The following PDE10A variants were observed in gnomAD, a reference collection of about 807,000 sequenced individuals.
PDE10A encodes phosphodiesterase 10A, also known as cAMP and cAMP-inhibited cGMP 3',5'-cyclic phosphodiesterase 10A.
Under a neutral mutation model 97.7 loss-of-function variants are expected in PDE10A, and 39 were observed. That is an observed-to-expected ratio of 0.40 (90% CI 0.31 to 0.52). PDE10A has a LOEUF of 0.52. Among genes scored for constraint, PDE10A ranks in the 20% least tolerant of loss-of-function variants. The pLI, the probability that PDE10A is intolerant of heterozygous loss-of-function variation, is 0.56. For synonymous variants in PDE10A, 371 were observed against 376.8 expected, an observed-to-expected ratio of 0.98 and a Z score of 0.18; for missense variants, 731 against 1,047.8, an observed-to-expected ratio of 0.70 and a Z score of 4.17.
At chr6:165,958,326 C>T (rs1784203349) in intron 1 of PDE10A, among the ~76,000 whole-genome samples, 1 of 151,918 alleles carries the variant, frequency 6.6e-6, no homozygotes, top group African/African-American at 2.4e-5. Context: ...CCAAAACCAG[C>T]AGTTACAAAT....
intron 18 of PDE10A, among the ~76,000 whole-genome samples, chr6:165,354,705 G>A (rs902873510): frequency 6.6e-6 from 1 of 152,188 alleles, no homozygotes; most frequent in African/African-American, 2.4e-5. Flanking sequence ...GACAGGTGGA[G>A]GAGTCCACAT....
At chr6:165,707,671 G>C (rs1332491482) in intron 1 of PDE10A, among the ~76,000 whole-genome samples, 1 of 151,982 alleles carries the variant, frequency 6.6e-6, no homozygotes, top group Non-Finnish European at 1.5e-5. Flanking sequence ...GCGTGTGTGT[G>C]TAAGCGTATG....
chr6:165,621,328 A>ATT (rs1298309499), intron 1 of PDE10A, among the ~76,000 whole-genome samples: 4 of 152,200 alleles, frequency 2.6e-5, no homozygotes, highest in African/African-American at 9.6e-5. Flanking sequence ...TTCGTAAACT[A>ATT]TTTAAAGCAT....
intron 1 of PDE10A, among the ~76,000 whole-genome samples, chr6:165,909,434 C>A (rs1782393732): frequency 2.0e-5 from 3 of 152,208 alleles, no homozygotes; most frequent in Admixed American, 2.0e-4. Flanking sequence ...GACACCGTAG[C>A]TTAGGACAAA....
At chr6:165,841,993 G>C (rs1780275604) in intron 1 of PDE10A, among the ~76,000 whole-genome samples, 1 of 151,944 alleles carries the variant, frequency 6.6e-6, no homozygotes, top group Non-Finnish European at 1.5e-5. Flanking sequence ...AGCTCCTTTA[G>C]AAAAAAACTC....
At chr6:165,456,942 T>C (rs1426782366) in intron 3 of PDE10A, among the ~76,000 whole-genome samples, 3 of 152,226 alleles carry the variant, frequency 2.0e-5, no homozygotes, top group Middle Eastern at 3.2e-3. Flanking sequence ...CATAATATAC[T>C]GTAAAATGTA....
At chr6:165,357,600 C>T (rs903549079) in intron 18 of PDE10A, among the ~76,000 whole-genome samples, 45 of 152,126 alleles carry the variant, frequency 3.0e-4, no homozygotes, top group African/African-American at 1.0e-3. Context: ...GTATAGTAAG[C>T]TGGATTTCTC....
At chr6:165,702,856 G>C (rs1791614515) in intron 1 of PDE10A, among the ~76,000 whole-genome samples, 1 of 152,078 alleles carries the variant, frequency 6.6e-6, no homozygotes, top group African/African-American at 2.4e-5. Context: ...GTGAGGCTCT[G>C]ACGTTCCTAA....
At position 165,662,017 on chromosome 6, in the gene PDE10A, G is replaced by A. The variant is rs766333512; in HGVS notation, c.795C>T (p.Ser265=). 11 of 1,503,338 alleles carry A rather than the reference G, an allele frequency of 7.3e-6. No homozygotes were observed. The highest frequency in any genetic ancestry group is 5.7e-5 in the African/African-American group (4 of 69,804). The allele number at this position is 1,503,338 out of a possible 1,614,324, so 93.1% of individuals were successfully genotyped here. ...LAAAAALLFG[S]DMEDGPSNNA... is the part of the protein sequence containing the mutation. ...TATTAGAAGGTCCATCTTCCATGTC[G>A]GAGCCGAAGAGCAGCGCGGCCGCGG... Residue 265 remains serine (S), a synonymous_variant, in exon 1 of 22, where the codon TCC becomes TCT. Coordinates refer to ENST00000539869, the MANE Select transcript of PDE10A (RefSeq NM_001385079.1).
intron 1 of PDE10A, among the ~76,000 whole-genome samples, chr6:165,780,029 C>T (rs1037160449): frequency 1.3e-5 from 2 of 152,186 alleles, no homozygotes; most frequent in African/African-American, 4.8e-5. Flanking sequence ...GTGTTACTGC[C>T]TTTTCTCTAC....
intron 1 of PDE10A, among the ~76,000 whole-genome samples, chr6:165,963,732 C>T (rs1390634801): frequency 6.6e-6 from 1 of 152,268 alleles, no homozygotes; most frequent in Non-Finnish European, 1.5e-5. Context: ...CTTGACCCCA[C>T]CATCAGTCCC....
intron 1 of PDE10A, among the ~76,000 whole-genome samples, chr6:165,618,198 G>T (rs538526691): frequency 6.6e-6 from 1 of 152,262 alleles, no homozygotes; most frequent in African/African-American, 2.4e-5. Flanking sequence ...AAAAGCTGAT[G>T]CATAAGAAAC....
chr6:165,538,969 TTTTC>T (rs776975433), intron 2 of PDE10A, among the ~76,000 whole-genome samples: 8 of 152,178 alleles, frequency 5.3e-5, no homozygotes, highest in African/African-American at 9.7e-5. Flanking sequence ...GCCTAGATAA[TTTTC>T]TTTATTTTCC....
intron 1 of PDE10A, among the ~76,000 whole-genome samples, chr6:165,861,035 G>T (rs1159130410): frequency 6.6e-6 from 1 of 152,226 alleles, no homozygotes; most frequent in Non-Finnish European, 1.5e-5. Flanking sequence ...GGTCAACATA[G>T]ACTGGGCTTT....
At chr6:165,465,264 G>A (rs140485178) in intron 3 of PDE10A, among the ~76,000 whole-genome samples, 6 of 152,316 alleles carry the variant, frequency 3.9e-5, no homozygotes, top group African/African-American at 1.2e-4. Flanking sequence ...AGCTACACAG[G>A]TATAGGTGGA....
At chr6:165,491,502 C>G (rs1409324821) in intron 2 of PDE10A, among the ~76,000 whole-genome samples, 3 of 152,150 alleles carry the variant, frequency 2.0e-5, no homozygotes, top group Non-Finnish European at 4.4e-5. Context: ...GGCCACCAAA[C>G]AAATCTCAAC....
At chr6:165,848,273 A>G (rs1263272588) in intron 1 of PDE10A, among the ~76,000 whole-genome samples, 1 of 152,138 alleles carries the variant, frequency 6.6e-6, no homozygotes, top group Non-Finnish European at 1.5e-5. Flanking sequence ...AACATGGGCC[A>G]TATTCCCTGT....
At position 165,717,533 on chromosome 6, in the gene PDE10A, T is replaced by G. The variant is rs60677707; in HGVS notation, c.-614-173965A>C. 0.014 allele frequency among the ~76,000 whole-genome samples: 2,083 copies of G among 151,400 alleles called. 189 individuals carry two copies. In the East Asian group the frequency reaches 0.22, roughly 16 times the overall value. ...TGGGAGGCGGAGGTTGTAGTGAGCCTAGATCATGCCACTGCATTCCAGCCT... is the reference window on the plus strand; with the variant it reads ...TGGGAGGCGGAGGTTGTAGTGAGCCGAGATCATGCCACTGCATTCCAGCCT... On this transcript the variant is annotated intron_variant, in intron 1 of 19. Coordinates refer to the PDE10A transcript ENST00000366882.
chr6:165,617,771 C>T (rs1459767040), intron 1 of PDE10A, among the ~76,000 whole-genome samples: 1 of 152,130 alleles, frequency 6.6e-6, no homozygotes, highest in African/African-American at 2.4e-5. Context: ...TTATCACACA[C>T]AACATCAATC....
Sources: gnomAD v4.1 joint callset for allele counts (sites outside exome capture counted in the v4.1 genomes callset) on GRCh38, gnomAD v4.1.1 for gene constraint, MANE v1.5 for transcripts, NCBI Gene and HGNC (gene_info 2026-07-23, HGNC 2026-07-21) for gene names.